Variants in ZCCHC2 observed in about 807,000 individuals in gnomAD.
The protein encoded by ZCCHC2 is zinc finger CCHC-type containing 2.
In ZCCHC2, 39 loss-of-function variants were observed where a neutral mutation model predicts 103.6. That is an observed-to-expected ratio of 0.38 (90% confidence interval 0.29 to 0.49). The LOEUF (loss-of-function observed/expected upper bound fraction) is 0.49. Among genes scored for constraint, ZCCHC2 ranks in the 20% least tolerant of loss-of-function variants. The pLI, the probability that ZCCHC2 is intolerant of heterozygous loss-of-function variation, is 0.96. For synonymous variants in ZCCHC2, 687 were observed against 608.9 expected, an observed-to-expected ratio of 1.13 and a Z score of -1.89; for missense variants, 1,483 against 1,491.0, an observed-to-expected ratio of 0.99 and a Z score of 0.09.
chr18:62,582,292 A>G (rs888616288), downstream of ZCCHC2, among the ~76,000 whole-genome samples: 3 of 152,254 alleles, frequency 2.0e-5, no homozygotes, highest in African/African-American at 4.8e-5. Context: ...GGGAAGGTCC[A>G]TTTAGAAAGG....
Position 62,534,768 on chromosome 18 carries a change from G to A in ZCCHC2, c.940-4913G>A, listed in dbSNP as rs1914846953. Among the ~76,000 whole-genome samples the A allele has an allele frequency of 2.0e-5, 3 of 152,174 alleles. No individual in the cohort carries two copies. In the South Asian group the frequency reaches 6.2e-4, roughly 31 times the overall value. On this transcript the variant is annotated intron_variant, in intron 1 of 13. Transcript: ENST00000269499. Reference sequence around the variant, plus strand: ...TGTGAACCAAATGCTGTAATGTTTGGGAGTATTTGCTTGAAAAGAGGTCAT... The same window carrying A: ...TGTGAACCAAATGCTGTAATGTTTGAGAGTATTTGCTTGAAAAGAGGTCAT...
At chr18:62,559,266 A>G (rs1308583979) in intron 7 of ZCCHC2, among the ~76,000 whole-genome samples, 6 of 152,222 alleles carry the variant, frequency 3.9e-5, no homozygotes, top group African/African-American at 1.2e-4. Context: ...ATATTTACAG[A>G]TAAGACTATA....
At chr18:62,562,643 G>T (rs1050457764) in intron 8 of ZCCHC2, among the ~76,000 whole-genome samples, 3 of 152,002 alleles carry the variant, frequency 2.0e-5, no homozygotes, top group African/African-American at 7.3e-5. Flanking sequence ...TTTGGTTTTT[G>T]ATCTCATTAT....
At chr18:62,542,476 C>G (rs17729940) in intron 2 of ZCCHC2, 22 bp from the exon 3 acceptor site, 311,237 of 1,546,692 alleles carry the variant, frequency 0.2, 34,902 homozygotes, top group Non-Finnish European at 0.23. Context: ...GCACAAGTCA[C>G]CGTGTGTTTT....
chr18:62,549,435 C>G (rs1191212117), intron 4 of ZCCHC2, among the ~76,000 whole-genome samples: 2 of 152,184 alleles, frequency 1.3e-5, no homozygotes, highest in Non-Finnish European at 2.9e-5. Context: ...AAAATACTTA[C>G]TTTTCAGAAG....
At chr18:62,533,431 A>G (rs1280792839) in intron 1 of ZCCHC2, among the ~76,000 whole-genome samples, 2 of 151,328 alleles carry the variant, frequency 1.3e-5, no homozygotes, top group Non-Finnish European at 2.9e-5. Context: ...AGGCTGAGGC[A>G]GCAGAATCAC....
Position 62,524,050 on chromosome 18 carries a change from G to C in ZCCHC2, c.626G>C (p.Arg209Pro). ...GTGCTCAAAAGCCTGCGCGCGGCCC[G>C]GGGCGAGGGCTCGCGGGGCGGCGCG... ...DSVLKSLRAARGEGSRGGAED... is the reference protein window; with the variant it reads ...DSVLKSLRAAPGEGSRGGAED... Residue 209 changes from arginine (R) to proline (P), a missense_variant, in exon 1 of 14, where the codon CGG becomes CCG. This residue lies in a region of ZCCHC2 where 568 missense variants were observed against 525.1 expected (regional missense o/e 1.08). Coordinates refer to ENST00000269499, the MANE Select transcript of ZCCHC2 (RefSeq NM_017742.6). The C allele has an allele frequency of 1.4e-6, 2 of 1,468,668 alleles. No homozygotes were observed. Among genetic ancestry groups the C allele is most frequent in the Non-Finnish European group, 8.9e-7 (1 of 1,122,102 alleles). 91.0% of individuals were successfully genotyped at this position (1,468,668 alleles called of 1,614,324 possible).
intron 8 of ZCCHC2, 136 bp from the exon 9 acceptor site, chr18:62,562,873 T>G: frequency 1.1e-6 from 1 of 927,800 alleles, no homozygotes; most frequent in South Asian, 1.9e-5. Context: ...ATACTTTTTT[T>G]TCTTAGACCT....
Position 62,574,439 on chromosome 18 carries a change from T to G in ZCCHC2, c.2358T>G (p.Leu786=), listed in dbSNP as rs555784498. 1 of 1,614,006 alleles carries G rather than the reference T, an allele frequency of 6.2e-7. No homozygotes were observed. Among genetic ancestry groups the G allele is most frequent in the African/African-American group, 1.3e-5 (1 of 75,046 alleles). ...TACTGESEKH[L]ELLASPLPIP... is the part of the protein sequence containing the mutation. Reference sequence around the variant, plus strand: ...GCACTGGAGAATCGGAAAAGCACCTTGAGTTACTGGCTTCCCCTTTACCTA... The same window carrying G: ...GCACTGGAGAATCGGAAAAGCACCTGGAGTTACTGGCTTCCCCTTTACCTA... Residue 786 remains leucine, a synonymous_variant, in exon 13 of 14, where the codon CTT becomes CTG. Coordinates refer to ENST00000269499, the MANE Select transcript of ZCCHC2 (RefSeq NM_017742.6).
downstream of ZCCHC2, among the ~76,000 whole-genome samples, chr18:62,580,445 A>G (rs1917012007): frequency 6.6e-6 from 1 of 152,202 alleles, no homozygotes; most frequent in African/African-American, 2.4e-5. Flanking sequence ...CAAGTGATTT[A>G]CACTCACACC....
rs370371861 is a variant in ZCCHC2 at position 62,540,849 on chromosome 18, C to T, written c.1051+1057C>T. Among the ~76,000 whole-genome samples, 42 of 152,192 alleles carry T rather than the reference C, an allele frequency of 2.8e-4. 1 individual carries two copies. In the South Asian group the frequency reaches 7.7e-3, roughly 28 times the overall value. On this transcript the variant is annotated intron_variant, in intron 2 of 13. Coordinates refer to ENST00000269499, the MANE Select transcript of ZCCHC2 (RefSeq NM_017742.6). ...GGGGGTACTTTCACTATGGCCATTCCTCATCACATACTCCTGTCTTCTCTT... is the reference window on the plus strand; with the variant it reads ...GGGGGTACTTTCACTATGGCCATTCTTCATCACATACTCCTGTCTTCTCTT...
chr18:62,523,376 G>GGGGGGCCCCC lies in ZCCHC2; in HGVS notation c.-49_-48insGGGGGCCCCC. 1.1e-5 allele frequency: 11 copies of GGGGGGCCCCC among 1,012,344 alleles called. No individual in the cohort carries two copies. The highest frequency in any genetic ancestry group is 1.3e-5 in the Non-Finnish European group (11 of 848,980). The allele number at this position is 1,012,344 out of a possible 1,614,324, so 62.7% of individuals were successfully genotyped here. A position where few individuals can be genotyped will look rare whatever the true frequency, so the allele number is the denominator to read the frequency against. On this transcript the variant is annotated 5_prime_UTR_variant, in exon 1 of 14. Coordinates refer to ENST00000269499, the MANE Select transcript of ZCCHC2 (RefSeq NM_017742.6). ...GCCTCGGCCCGTGCTCCACCTCGCG[G>GGGGGGCCCCC]CCCCTCCCGCCCGCCCCCGCTCGCA...
At chr18:62,573,578 CAAA>C (rs1263857145) in intron 12 of ZCCHC2, among the ~76,000 whole-genome samples, 2 of 151,978 alleles carry the variant, frequency 1.3e-5, no homozygotes, top group African/African-American at 4.8e-5. Context: ...ACAACAACAA[CAAA>C]AGAAAACTCT....
At chr18:62,524,564 C>G in intron 1 of ZCCHC2, 1 of 749,270 alleles carries the variant, frequency 1.3e-6, no homozygotes, top group South Asian at 2.4e-5. Flanking sequence ...CCACCCCACA[C>G]CCCGGCAGAC....
chr18:62,525,977 G>T (rs1304865961), intron 1 of ZCCHC2: 1 of 152,096 alleles, frequency 6.6e-6, no homozygotes, highest in Non-Finnish European at 1.5e-5. Flanking sequence ...TAAATTGCAG[G>T]TCTAAAGAAA....
intron 1 of ZCCHC2, among the ~76,000 whole-genome samples, chr18:62,529,902 C>A (rs969441291): frequency 6.6e-6 from 1 of 152,132 alleles, no homozygotes; most frequent in African/African-American, 2.4e-5. Flanking sequence ...GTACTGAACA[C>A]GTACAGACTT....
At chr18:62,561,502 A>G (rs138771790) in intron 8 of ZCCHC2, among the ~76,000 whole-genome samples, 519 of 152,328 alleles carry the variant, frequency 3.4e-3, no homozygotes, top group Admixed American at 6.9e-3. Flanking sequence ...TGCTGCTCAC[A>G]CAGGAGTCTG....
intron 1 of ZCCHC2, among the ~76,000 whole-genome samples, chr18:62,536,326 G>C (rs1340260498): frequency 6.6e-6 from 1 of 152,184 alleles, no homozygotes; most frequent in Non-Finnish European, 1.5e-5. Flanking sequence ...GTATGCTTGT[G>C]CGTATTTTTG....
chr18:62,525,375 A>G (rs1365204220), intron 1 of ZCCHC2: 1 of 152,188 alleles, frequency 6.6e-6, no homozygotes, highest in East Asian at 1.9e-4. Flanking sequence ...TGAGAACTGT[A>G]AAGTGAGATT....
Sources: gnomAD v4.1 joint callset for allele counts (sites outside exome capture counted in the v4.1 genomes callset) on GRCh38, gnomAD v4.1.1 for gene constraint, gnomAD v4.1.1 regional missense constraint, MANE v1.5 for transcripts, NCBI Gene and HGNC (gene_info 2026-07-23, HGNC 2026-07-21) for gene names.